Variants in ARHGAP32 observed in about 807,000 individuals in gnomAD.
The protein encoded by ARHGAP32 is rho GTPase-activating protein 32.
ARHGAP32 carries 51 observed loss-of-function variants against 186.5 expected under a neutral mutation model. The observed-to-expected ratio is 0.27, with a 90% confidence interval of 0.22 to 0.35. The LOEUF (loss-of-function observed/expected upper bound fraction) is 0.35. Among genes scored for constraint, ARHGAP32 ranks in the 10% least tolerant of loss-of-function variants. ARHGAP32 has a pLI of 1.00. For synonymous variants in ARHGAP32, 950 were observed against 964.3 expected, an observed-to-expected ratio of 0.99 and a Z score of 0.27; for missense variants, 2,186 against 2,623.5, an observed-to-expected ratio of 0.83 and a Z score of 3.64.
rs148138101 is a variant in ARHGAP32, at chr11:128,972,571, C to T, written c.3935G>A (p.Arg1312His). 234 of 1,597,182 alleles carry T rather than the reference C, an allele frequency of 1.5e-4. No homozygotes were observed. Among genetic ancestry groups the T allele is most frequent in the Middle Eastern group, 3.3e-4 (2 of 5,978 alleles). ...AAGGGGACGATTAGTTCTGTGCGTG[C>T]GCTGAAGTGTGGCAGCAGCAAAATC... ...TADFAAATLQ[R>H]THRTNRPLPP... Residue 1312 changes from arginine to histidine, a missense_variant, in exon 22 of 23, where the codon CGC becomes CAC. Physicochemically the swap from Arg to His is conservative, Grantham distance 29. Around this residue, in one of 5 missense-constraint regions of ARHGAP32, gnomAD observed 1,502 missense variants for 1,570.0 expected, o/e 0.96. Coordinates refer to ENST00000682385, the MANE Select transcript of ARHGAP32 (RefSeq NM_001378024.1).
At chr11:129,080,794 CAAAAGAAAAAT>C (rs1244599932) in intron 6 of ARHGAP32, among the ~76,000 whole-genome samples, 1 of 151,094 alleles carries the variant, frequency 6.6e-6, no homozygotes, top group South Asian at 2.1e-4. Flanking sequence ...AAAAAAAATA[CAAAAGAAAAAT>C]AAAAGAAAAA....
At chr11:129,181,013 A>T (rs1230122748) in intron 1 of ARHGAP32, among the ~76,000 whole-genome samples, 1 of 152,096 alleles carries the variant, frequency 6.6e-6, no homozygotes, top group Non-Finnish European at 1.5e-5. Flanking sequence ...GTCCAAGCGG[A>T]TTTCCTTCTC....
intron 2 of ARHGAP32, among the ~76,000 whole-genome samples, chr11:129,160,529 G>T (rs1283659772): frequency 6.6e-6 from 1 of 152,018 alleles, no homozygotes; most frequent in South Asian, 2.1e-4. Context: ...AAATACCTAG[G>T]ATGATAAAAT....
At chr11:129,058,153 G>T (rs141928060) in intron 10 of ARHGAP32, among the ~76,000 whole-genome samples, 1 of 150,632 alleles carries the variant, frequency 6.6e-6, no homozygotes, top group Admixed American at 6.6e-5. Flanking sequence ...GTATCAGTGG[G>T]TCATCTGTTA....
chr11:129,042,767 A>T (rs1249421240), intron 10 of ARHGAP32, among the ~76,000 whole-genome samples: 1 of 152,200 alleles, frequency 6.6e-6, no homozygotes, highest in Admixed American at 6.5e-5. Flanking sequence ...CAGCAGAGAG[A>T]GCTGGAGGAG....
At chr11:129,162,802 T>A (rs1943558367) in intron 2 of ARHGAP32, among the ~76,000 whole-genome samples, 1 of 152,190 alleles carries the variant, frequency 6.6e-6, no homozygotes. Context: ...TAAAGTCATC[T>A]TAATGACAAC....
chr11:129,266,200 A>G (rs1215503369), intron 1 of ARHGAP32, among the ~76,000 whole-genome samples: 1 of 152,188 alleles, frequency 6.6e-6, no homozygotes, highest in Non-Finnish European at 1.5e-5. Context: ...ACGGAGTTCT[A>G]GTTTCAACTG....
chr11:129,089,535 G>A (rs377137454), intron 6 of ARHGAP32, among the ~76,000 whole-genome samples: 25 of 152,242 alleles, frequency 1.6e-4, no homozygotes, highest in Middle Eastern at 6.8e-3. Flanking sequence ...CAAACTGCCC[G>A]AAAGCTGGTG....
At chr11:129,031,943 G>A (rs1305578337) in intron 11 of ARHGAP32, among the ~76,000 whole-genome samples, 1 of 152,132 alleles carries the variant, frequency 6.6e-6, no homozygotes, top group Admixed American at 6.5e-5. Context: ...GACTTCAGAG[G>A]AGAGTTCAGC....
chr11:129,107,984 C>T (rs1468042179), intron 5 of ARHGAP32, among the ~76,000 whole-genome samples: 2 of 149,508 alleles, frequency 1.3e-5, no homozygotes, highest in Non-Finnish European at 3.0e-5. Flanking sequence ...ACTGTGGTAA[C>T]CATAAAGAGA....
chr11:129,135,693 G>C (rs898970530), intron 2 of ARHGAP32, among the ~76,000 whole-genome samples: 6 of 152,146 alleles, frequency 3.9e-5, no homozygotes, highest in African/African-American at 1.4e-4. Context: ...TGTGAACCCA[G>C]GAGGCGGAGC....
chr11:129,180,745 T>C (rs762194342), intron 1 of ARHGAP32, among the ~76,000 whole-genome samples: 5 of 152,124 alleles, frequency 3.3e-5, no homozygotes, highest in Non-Finnish European at 5.9e-5. Context: ...CTAAGTAACC[T>C]ACTGCTGTAT....
intron 2 of ARHGAP32, among the ~76,000 whole-genome samples, chr11:129,158,640 T>C (rs908306679): frequency 2.0e-5 from 3 of 152,204 alleles, no homozygotes; most frequent in South Asian, 2.1e-4. Flanking sequence ...CTGTCAATAT[T>C]AGACAGATCA....
At chr11:129,113,662 C>A (rs1211193172) in intron 5 of ARHGAP32, among the ~76,000 whole-genome samples, 3 of 151,938 alleles carry the variant, frequency 2.0e-5, no homozygotes, top group Non-Finnish European at 4.4e-5. Context: ...TTTTAAAATT[C>A]ACATATGAGT....
chr11:129,002,342 T>A (rs1482805226), intron 11 of ARHGAP32, among the ~76,000 whole-genome samples: 1 of 152,212 alleles, frequency 6.6e-6, no homozygotes, highest in African/African-American at 2.4e-5. Flanking sequence ...TATTTTATTT[T>A]ATTTGTAGCT....
intron 1 of ARHGAP32, among the ~76,000 whole-genome samples, chr11:129,232,023 C>CAAAAAAAAAAAAAAAAA (rs71057935): frequency 1.5e-5 from 1 of 64,552 alleles, no homozygotes; most frequent in African/African-American, 6.0e-5. Context: ...GAGACGGACT[C>CAAAAAAAAAAAAAAAAA]AAAAAAAAAA....
intron 1 of ARHGAP32, among the ~76,000 whole-genome samples, chr11:129,221,529 G>A (rs1565472451): frequency 1.2e-5 from 1 of 83,844 alleles, no homozygotes; most frequent in African/African-American, 4.0e-5. Context: ...GTGTGTGTGT[G>A]TGTGTTTATG....
At chr11:129,166,743 T>G (rs540906506) in intron 1 of ARHGAP32, among the ~76,000 whole-genome samples, 2 of 139,756 alleles carry the variant, frequency 1.4e-5, no homozygotes, top group African/African-American at 5.2e-5. Context: ...AAAGAAATAG[T>G]AAAGAGAATT....
intron 6 of ARHGAP32, among the ~76,000 whole-genome samples, chr11:129,093,420 G>T (rs1941637057): frequency 6.6e-6 from 1 of 152,002 alleles, no homozygotes; most frequent in Non-Finnish European, 1.5e-5. Context: ...AGTATTGTAT[G>T]AATACACTTA....
Sources: gnomAD v4.1 joint callset for allele counts (sites outside exome capture counted in the v4.1 genomes callset) on GRCh38, gnomAD v4.1.1 for gene constraint, gnomAD v4.1.1 regional missense constraint, MANE v1.5 for transcripts, NCBI Gene and HGNC (gene_info 2026-07-23, HGNC 2026-07-21) for gene names.